FOCAD: variants seen among roughly 807,000 people sequenced by gnomAD.
FOCAD encodes focadhesin.
A neutral mutation model predicts 225.6 loss-of-function variants in FOCAD; 198 were observed. That is an observed-to-expected ratio of 0.88 (90% CI 0.78 to 0.99). The LOEUF (loss-of-function observed/expected upper bound fraction) is 0.99. Among genes scored for constraint, FOCAD ranks in the 50% least tolerant of loss-of-function variants. FOCAD has a pLI of 0.00. For synonymous variants in FOCAD, 897 were observed against 755.0 expected (o/e 1.19, Z -3.08); for missense variants, 2,713 against 2,123.6 (o/e 1.28, Z -5.46).
At chr9:20,744,268 A>G (rs1390386288) in intron 5 of FOCAD, among the ~76,000 whole-genome samples, 2 of 152,182 alleles carry the variant, frequency 1.3e-5, no homozygotes, top group East Asian at 3.8e-4. Context: ...TGTTTGGAGC[A>G]TGGCCCAGAC....
rs200873740 is a variant in FOCAD at position 20,764,957 on chromosome 9, C to T, written c.583C>T (p.Arg195Ter). ...PSQLQEYAKL[R>*]LALLKVLLQP... ...TCAGTTACAAGAATATGCTAAACTC[C>T]GACTAGCCCTGCTGAAAGTCTTACT... Residue 195 changes from arginine to a stop codon, truncating the protein, a stop_gained, in exon 7 of 44, where the codon CGA (arginine) becomes TGA (stop). Transcript: ENST00000338382. LOFTEE classifies it high-confidence loss of function. The T allele has an allele frequency of 6.2e-6, 10 of 1,613,894 alleles. No homozygotes were observed. The highest frequency in any genetic ancestry group is 1.6e-4 in the Middle Eastern group (1 of 6,080).
chr9:20,758,909 T>G (rs2130901435), intron 6 of FOCAD, among the ~76,000 whole-genome samples: 1 of 152,292 alleles, frequency 6.6e-6, no homozygotes, highest in Non-Finnish European at 1.5e-5. Context: ...GATAAGCAAC[T>G]TCAGCAAAGT....
At chr9:20,670,041 G>A (rs963486396) in intron 2 of FOCAD, among the ~76,000 whole-genome samples, 17 of 152,276 alleles carry the variant, frequency 1.1e-4, no homozygotes, top group African/African-American at 3.8e-4. Context: ...CCCTATGATG[G>A]CAGCATGGGT....
chr9:20,776,760 G>A (rs1044581765), intron 8 of FOCAD, among the ~76,000 whole-genome samples: 1 of 152,114 alleles, frequency 6.6e-6, no homozygotes, highest in East Asian at 1.9e-4. Context: ...TCCAATAATA[G>A]CATTACTATA....
chr9:20,795,963 C>G (rs546798371), intron 11 of FOCAD, among the ~76,000 whole-genome samples: 15 of 151,856 alleles, frequency 9.9e-5, no homozygotes, highest in East Asian at 7.8e-4. Context: ...ATCCCTCCCC[C>G]CTGCCCCCAC....
intron 20 of FOCAD, among the ~76,000 whole-genome samples, chr9:20,884,064 G>A (rs1186631927): frequency 6.6e-6 from 1 of 152,088 alleles, no homozygotes; most frequent in Admixed American, 6.5e-5. Flanking sequence ...ATAAACTAAA[G>A]GGACCCATGT....
intron 1 of FOCAD, among the ~76,000 whole-genome samples, chr9:20,703,197 A>T (rs912793017): frequency 1.3e-5 from 2 of 151,550 alleles, no homozygotes; most frequent in Non-Finnish European, 2.9e-5. Flanking sequence ...TGGTGGGGGG[A>T]TAGGGAAGGT....
At chr9:20,696,663 G>A (rs1029054093) in intron 1 of FOCAD, among the ~76,000 whole-genome samples, 1 of 152,110 alleles carries the variant, frequency 6.6e-6, no homozygotes, top group African/African-American at 2.4e-5. Flanking sequence ...AAATTAGCTG[G>A]GCATGGTGGC....
chr9:20,775,725 A>G (rs567487363), intron 8 of FOCAD, among the ~76,000 whole-genome samples: 21 of 152,296 alleles, frequency 1.4e-4, no homozygotes, highest in Non-Finnish European at 2.2e-4. Context: ...TGCCTGGTGC[A>G]TAGGTGATGT....
chr9:20,791,654 A>G (rs1820550402), intron 11 of FOCAD, among the ~76,000 whole-genome samples: 2 of 152,210 alleles, frequency 1.3e-5, no homozygotes, highest in African/African-American at 4.8e-5. Context: ...AGAGAGAAGT[A>G]AAGAATGCTC....
chr9:20,670,924 A>G (rs778663208), intron 2 of FOCAD, among the ~76,000 whole-genome samples: 10 of 152,220 alleles, frequency 6.6e-5, no homozygotes, highest in Non-Finnish European at 1.2e-4. Flanking sequence ...TAACAACTCT[A>G]TTAACTTGAT....
rs772825154 is a variant in FOCAD, at chr9:20,769,997, A to AT, written c.700-29dup. 6.2e-5 allele frequency: 97 copies of AT among 1,560,864 alleles called. No individual in the cohort carries two copies. The Middle Eastern group carries it at 1.4e-3, about 22-fold the overall frequency. ...TTTAAAATTATCTTTTGGTTTGTGT[A>AT]TTTTTTAATATCATATAATGACTTT... is the stretch of plus-strand genomic sequence containing the variant. On this transcript the variant is annotated intron_variant, in intron 7 of 43. Transcript: ENST00000338382.
intron 21 of FOCAD, among the ~76,000 whole-genome samples, chr9:20,890,148 T>C (rs1831489663): frequency 6.6e-6 from 1 of 152,072 alleles, no homozygotes; most frequent in Non-Finnish European, 1.5e-5. Flanking sequence ...ATTTTTGCTT[T>C]TCTGATCTGT....
chr9:20,726,337 C>T (rs1214939716), intron 4 of FOCAD: 3 of 152,116 alleles, frequency 2.0e-5, no homozygotes, highest in African/African-American at 7.2e-5. Context: ...TCTTGCTCTC[C>T]TGCGGAACCA....
intron 21 of FOCAD, among the ~76,000 whole-genome samples, chr9:20,897,412 G>GT (rs796547455): frequency 7.4e-4 from 105 of 142,220 alleles, no homozygotes; most frequent in South Asian, 2.0e-3. Flanking sequence ...ATTTGTTACT[G>GT]TTTTTTTTTT....
chr9:20,916,794 G>A, intron 23 of FOCAD, 99 bp from the exon 24 acceptor site: 2 of 1,048,074 alleles, frequency 1.9e-6, no homozygotes, highest in Non-Finnish European at 2.8e-6. Context: ...TTTAAGATCT[G>A]GAGCCATTGC....
At chr9:20,722,290 T>C (rs1002319301) in intron 4 of FOCAD, among the ~76,000 whole-genome samples, 1 of 152,066 alleles carries the variant, frequency 6.6e-6, no homozygotes, top group Admixed American at 6.5e-5. Flanking sequence ...GTTCAAGTTA[T>C]GTTTCCCCCC....
rs777095643 is a variant in FOCAD, at chr9:20,740,347, C to A, written c.392+7C>A. The A allele has an allele frequency of 7.6e-6, 11 of 1,448,288 alleles. No individual in the cohort carries two copies. Among genetic ancestry groups the A allele is most frequent in the East Asian group, 2.4e-5 (1 of 42,290 alleles). 89.7% of individuals were successfully genotyped at this position (1,448,288 alleles called of 1,614,324 possible). Reference sequence around the variant, plus strand: ...AGAGTATATATACCATTAGGTAAGCCTTTTTTCTGTTTTTTTTTTAAACAA... The same window carrying A: ...AGAGTATATATACCATTAGGTAAGCATTTTTTCTGTTTTTTTTTTAAACAA... On this transcript the variant is annotated splice_region_variant and intron_variant, in intron 5 of 43. Coordinates refer to ENST00000338382, the MANE Select transcript of FOCAD (RefSeq NM_001375567.1).
chr9:20,729,279 T>C (rs763544997), intron 4 of FOCAD, among the ~76,000 whole-genome samples: 10 of 152,222 alleles, frequency 6.6e-5, no homozygotes, highest in Non-Finnish European at 1.3e-4. Context: ...TAGCTTCTGG[T>C]GGTTGATGGA....
Sources: gnomAD v4.1 joint callset for allele counts (sites outside exome capture counted in the v4.1 genomes callset) on GRCh38, gnomAD v4.1.1 for gene constraint, MANE v1.5 for transcripts, NCBI Gene and HGNC (gene_info 2026-07-23, HGNC 2026-07-21) for gene names.